FLT4: variants seen among roughly 807,000 people sequenced by gnomAD.
FLT4 encodes the protein fms related receptor tyrosine kinase 4.
Under a neutral mutation model 163.2 loss-of-function variants are expected in FLT4, and 30 were observed. The ratio of observed to expected loss-of-function variants is 0.18; its 90% confidence interval spans 0.14 to 0.25. The LOEUF (loss-of-function observed/expected upper bound fraction) is 0.25. Among genes scored for constraint, FLT4 ranks in the 10% least tolerant of loss-of-function variants. The pLI is 1.00. For synonymous variants in FLT4, 884 were observed against 789.5 expected (o/e 1.12, Z -2.01); for missense variants, 1,510 against 1,863.8 (o/e 0.81, Z 3.50).
rs749861024 is a variant in FLT4 at position 180,620,596 on chromosome 5, G to C, written c.2406+13C>G. 1.1e-5 allele frequency: 17 copies of C among 1,584,332 alleles called. No individual in the cohort carries two copies. Among genetic ancestry groups the C allele is most frequent in the Non-Finnish European group, 1.5e-5 (17 of 1,153,942 alleles). ...TGAGAGAGACTCCATCAGGAGCGGG[G>C]AGGGACACTCACCCTCCTCATGTTA... On this transcript the variant is annotated intron_variant, in intron 16 of 29. Transcript: ENST00000261937. The surrounding 1 kb of genome is among the most constrained non-coding windows in gnomAD (Gnocchi z 4.4).
At chr5:180,624,119 TG>T in intron 10 of FLT4, 58 bp from the exon 11 acceptor site, 5 of 1,596,936 alleles carry the variant, frequency 3.1e-6, no homozygotes, top group Non-Finnish European at 4.3e-6. Context: ...AGGGCCCACA[TG>T]GGGGGCGGGG....
At chr5:180,610,868 T>C (rs1291303043) in intron 27 of FLT4, among the ~76,000 whole-genome samples, 1 of 150,892 alleles carries the variant, frequency 6.6e-6, no homozygotes, top group Non-Finnish European at 1.5e-5. Flanking sequence ...CCATCCTGGC[T>C]AACACGGTGA....
chr5:180,629,822 A>G lies in FLT4; in HGVS notation c.690T>C (p.Tyr230=). 2 of 1,612,590 alleles carry G rather than the reference A, an allele frequency of 1.2e-6. No individual in the cohort carries two copies. The highest frequency in any genetic ancestry group is 1.7e-6 in the Non-Finnish European group (2 of 1,179,866). ...ACTTCCTGGGCAACAGCTGGATGTC[A>G]TAGAGCTCGTTGCCTGTTGACACGC... The part of the protein sequence containing the change: ...FLVHITGNEL[Y]DIQLLPRKSL... The change falls in exon 6 of 30, where the codon TAT becomes TAC. Residue 230 remains tyrosine, a synonymous_variant. Coordinates refer to ENST00000261937, the MANE Select transcript of FLT4 (RefSeq NM_182925.5).
Position 180,630,206 on chromosome 5 carries a change from G to A in FLT4, c.513+19C>T, listed in dbSNP as rs1763982393. 6.2e-7 allele frequency: 1 copy of A among 1,610,514 alleles called. No homozygotes were observed. The highest frequency in any genetic ancestry group is 8.5e-7 in the Non-Finnish European group (1 of 1,178,184). On this transcript the variant is annotated intron_variant, in intron 4 of 29. Transcript: ENST00000261937. This position sits in a 1 kb window ranked among gnomAD's most constrained non-coding sequence, Gnocchi z 6.3. ...GTGGGATGGGAGGGTCGGATGCTGGGGTTGGGGTGGGGCCGTACCGAGCGC... is the reference window on the plus strand; with the variant it reads ...GTGGGATGGGAGGGTCGGATGCTGGAGTTGGGGTGGGGCCGTACCGAGCGC...
chr5:180,621,325 G>C, intron 13 of FLT4, 73 bp from the exon 14 acceptor site: 8 of 1,540,484 alleles, frequency 5.2e-6, no homozygotes, highest in Non-Finnish European at 7.1e-6. Flanking sequence ...GCTGGGAGCA[G>C]AGGTAGAAAA....
At chr5:180,637,471 C>T (rs1188006063) in intron 1 of FLT4, among the ~76,000 whole-genome samples, 1 of 152,186 alleles carries the variant, frequency 6.6e-6, no homozygotes, top group Admixed American at 6.5e-5. Context: ...GCCCAGGGTC[C>T]CCCCACCACG....
At chr5:180,617,038 G>A (rs536196798) in intron 21 of FLT4, 44 bp from the exon 22 acceptor site, 16 of 1,408,624 alleles carry the variant, frequency 1.1e-5, no homozygotes, top group Admixed American at 3.4e-5. Flanking sequence ...CCTCCTCCGC[G>A]GCCTCCATCT....
At chr5:180,625,731 G>A (rs1222705999) in intron 10 of FLT4, 138 bp downstream of exon 10, 3 of 796,772 alleles carry the variant, frequency 3.8e-6, no homozygotes, top group African/African-American at 3.4e-5. Context: ...CTGAAGGTAG[G>A]GTTCAAGTTC....
intron 8 of FLT4, among the ~76,000 whole-genome samples, chr5:180,627,239 G>A (rs938857456): frequency 6.6e-5 from 10 of 152,158 alleles, no homozygotes; most frequent in South Asian, 6.2e-4. Context: ...CACAGCCCTC[G>A]GGCAGAGACC....
At chr5:180,638,743 C>T (rs1764871735) in intron 1 of FLT4, among the ~76,000 whole-genome samples, 1 of 152,224 alleles carries the variant, frequency 6.6e-6, no homozygotes, top group South Asian at 2.1e-4. Context: ...TCAGCTTAGA[C>T]ACGGCCTCCT....
chr5:180,643,975 C>A (rs928627037), intron 1 of FLT4, among the ~76,000 whole-genome samples: 4 of 152,188 alleles, frequency 2.6e-5, no homozygotes, highest in Non-Finnish European at 5.9e-5. Context: ...ACGCCTGCCA[C>A]CGCACGCAGC....
intron 22 of FLT4, 120 bp downstream of exon 22, chr5:180,616,780 G>C: frequency 1.1e-6 from 1 of 909,758 alleles, no homozygotes; most frequent in Non-Finnish European, 1.9e-6. Flanking sequence ...CCTCTGCAAA[G>C]TGGGAGAGAC....
chr5:180,650,290 C>T (rs1765673959), upstream of FLT4, among the ~76,000 whole-genome samples: 1 of 152,248 alleles, frequency 6.6e-6, no homozygotes. Flanking sequence ...GACCGACCCC[C>T]TCCCTGCAGG....
chr5:180,626,219 G>A lies in FLT4; in HGVS notation c.1150C>T (p.Leu384=), dbSNP rs1763596864. 1.2e-6 allele frequency: 2 copies of A among 1,612,708 alleles called. No individual in the cohort carries two copies. The highest frequency in any genetic ancestry group is 1.3e-5 in the African/African-American group (1 of 74,920). Residue 384 remains leucine (L), a synonymous_variant, in exon 9 of 30, where the codon CTG becomes TTG. Transcript: ENST00000261937. ...ALSGRHSPHA[L]VLKEVTEAST... Reference sequence around the variant, plus strand: ...GCCTCTGTCACCTCCTTGAGCACCAGGGCATGTGGACTGTGGCGCCCGGAC... The same window carrying A: ...GCCTCTGTCACCTCCTTGAGCACCAAGGCATGTGGACTGTGGCGCCCGGAC...
At chr5:180,648,353 G>A (rs1364210249) in intron 1 of FLT4, among the ~76,000 whole-genome samples, 1 of 152,202 alleles carries the variant, frequency 6.6e-6, no homozygotes, top group Non-Finnish European at 1.5e-5. Context: ...GGCTTTGTCA[G>A]GCTTACTTTG....
Position 180,620,837 on chromosome 5 carries a change from G to A in FLT4, c.2299+39C>T, listed in dbSNP as rs1297020874. ...TGGCCACAAGAAAGCGTTAACTGGG[G>A]ACGGGAAGGGAGTTGAGGGGTGCAG... is the stretch of plus-strand genomic sequence containing the variant. On this transcript the variant is annotated intron_variant, in intron 15 of 29. Coordinates refer to ENST00000261937, the MANE Select transcript of FLT4 (RefSeq NM_182925.5). The surrounding 1 kb of genome is among the most constrained non-coding windows in gnomAD (Gnocchi z 4.4). 2 of 1,609,648 alleles carry A rather than the reference G, an allele frequency of 1.2e-6. No homozygotes were observed. The highest frequency in any genetic ancestry group is 1.7e-6 in the Non-Finnish European group (2 of 1,178,784).
At chr5:180,618,943 C>G (rs1561711283) in intron 20 of FLT4, 23 bp from the exon 21 acceptor site, 1 of 1,566,050 alleles carries the variant, frequency 6.4e-7, no homozygotes. Flanking sequence ...GAAGCTGGCT[C>G]GAGGGCGCCC....
chr5:180,640,574 T>C (rs1765029010), intron 1 of FLT4, among the ~76,000 whole-genome samples: 1 of 152,246 alleles, frequency 6.6e-6, no homozygotes, highest in African/African-American at 2.4e-5. Context: ...CCATCTGGCT[T>C]CATGCCCTAG....
At chr5:180,610,573 G>A (rs925517567) in intron 27 of FLT4, among the ~76,000 whole-genome samples, 1 of 152,198 alleles carries the variant, frequency 6.6e-6, no homozygotes, top group African/African-American at 2.4e-5. Context: ...AAATGCCAGG[G>A]ATAAGAGAGC....
Sources: allele counts gnomAD v4.1 joint callset (sites outside exome capture counted in the v4.1 genomes callset), GRCh38; gene constraint gnomAD v4.1.1; non-coding constraint Gnocchi (gnomAD v3.1); transcripts MANE v1.5; gene names NCBI Gene and HGNC (gene_info 2026-07-23, HGNC 2026-07-21).